The following MBTD1 variants were observed in gnomAD, a reference collection of about 807,000 sequenced individuals.
The protein encoded by MBTD1 is MBT domain-containing protein 1.
A neutral mutation model predicts 87.8 loss-of-function variants in MBTD1; 24 were observed. The ratio of observed to expected loss-of-function variants is 0.27; its 90% CI spans 0.20 to 0.38. MBTD1 has a LOEUF of 0.38. Ranked by LOEUF, MBTD1 falls within the 10% of genes least tolerant of loss-of-function variation. MBTD1 has a pLI of 1.00. For missense variants in MBTD1, 436 were observed against 760.2 expected, an observed-to-expected ratio of 0.57 and a Z score of 5.02; for synonymous variants, 237 against 248.6, an observed-to-expected ratio of 0.95 and a Z score of 0.44.
chr17:51,179,483 TTTATATATA>T lies in MBTD1; in HGVS notation c.*1084_*1092del, dbSNP rs1288599481. On this transcript the variant is annotated 3_prime_UTR_variant, in exon 17 of 17. Transcript: ENST00000586178. ...AATCCTGAATACAATTAAAGACAAT[TTTATATATA>T]TATATATATATATATATATATATAT... 650 of 37,036 alleles carry T rather than the reference TTTATATATA, an allele frequency of 0.018. 31 individuals are homozygous for T. Among genetic ancestry groups the T allele is most frequent in the Admixed American group, 0.023 (57 of 2,498 alleles). The allele number at this position is 37,036 out of a possible 1,614,324, so 2.3% of individuals were successfully genotyped here.
At chr17:51,232,164 T>G (rs2053585365) in intron 2 of MBTD1, among the ~76,000 whole-genome samples, 2 of 151,990 alleles carry the variant, frequency 1.3e-5, no homozygotes, top group Admixed American at 1.3e-4. Context: ...AAGTCTGAGG[T>G]TGAAATTTTC....
chr17:51,208,696 G>A (rs920536599), intron 6 of MBTD1, among the ~76,000 whole-genome samples: 17 of 152,298 alleles, frequency 1.1e-4, no homozygotes, highest in African/African-American at 3.6e-4. Context: ...AGAAAGAGGC[G>A]TGCTTATGCT....
intron 2 of MBTD1, among the ~76,000 whole-genome samples, chr17:51,225,518 A>T (rs1319859776): frequency 7.0e-6 from 1 of 143,876 alleles, no homozygotes; most frequent in Non-Finnish European, 1.5e-5. Flanking sequence ...TCCCATAAAC[A>T]TTTTTGTGTT....
chr17:51,192,294 AGGG>A lies in MBTD1; in HGVS notation c.1691-17_1691-15del. 1 of 1,532,184 alleles carries A rather than the reference AGGG, an allele frequency of 6.5e-7. No homozygotes were observed. The highest frequency in any genetic ancestry group is 8.8e-7 in the Non-Finnish European group (1 of 1,130,074). The allele number at this position is 1,532,184 out of a possible 1,614,324, so 94.9% of individuals were successfully genotyped here. On this transcript the variant is annotated splice_polypyrimidine_tract_variant and intron_variant, in intron 15 of 16. Coordinates refer to ENST00000586178, the MANE Select transcript of MBTD1 (RefSeq NM_017643.3). Reference sequence around the variant, plus strand: ...TTTCTCTTGATGCTGAAAAATAAAAAGGGAAAATTGGTACTAGATAATTGTTTA... The same window carrying A: ...TTTCTCTTGATGCTGAAAAATAAAAAAAAATTGGTACTAGATAATTGTTTA...
At chr17:51,258,533 T>G (rs2055228018) in intron 2 of MBTD1, among the ~76,000 whole-genome samples, 2 of 151,060 alleles carry the variant, frequency 1.3e-5, no homozygotes, top group African/African-American at 4.9e-5. Flanking sequence ...AGTAAAAGCA[T>G]TTGGAAGAGA....
At chr17:51,225,790 T>C (rs1003460924) in intron 2 of MBTD1, among the ~76,000 whole-genome samples, 7 of 150,828 alleles carry the variant, frequency 4.6e-5, no homozygotes, top group Non-Finnish European at 7.4e-5. Context: ...TAGCACTTTT[T>C]TTTTTTGAGA....
upstream of MBTD1, chr17:51,260,668 C>G: frequency 6.2e-7 from 1 of 1,611,868 alleles, no homozygotes; most frequent in Non-Finnish European, 8.5e-7. Flanking sequence ...TGAGGCCGGA[C>G]TGGAAAGCCG....
intron 13 of MBTD1, among the ~76,000 whole-genome samples, chr17:51,194,976 A>G (rs1036543053): frequency 2.0e-5 from 3 of 152,184 alleles, no homozygotes; most frequent in Admixed American, 2.0e-4. Flanking sequence ...ATACCAATTC[A>G]TATTATAAAA....
intron 2 of MBTD1, among the ~76,000 whole-genome samples, chr17:51,226,757 G>A (rs2053242123): frequency 1.3e-5 from 2 of 151,186 alleles, no homozygotes; most frequent in African/African-American, 4.8e-5. Flanking sequence ...TCAGTCTCTC[G>A]AGTAGCTGGG....
intron 2 of MBTD1, 54 bp downstream of exon 2, chr17:51,259,089 C>T: frequency 2.5e-6 from 1 of 407,016 alleles, no homozygotes. Flanking sequence ...CTTTCCTGGG[C>T]AGTAGTGAGC....
At chr17:51,190,057 AGTACTACTATAGTG>A (rs2050724697) in intron 16 of MBTD1, among the ~76,000 whole-genome samples, 1 of 152,218 alleles carries the variant, frequency 6.6e-6, no homozygotes. Flanking sequence ...TATTTTTCAA[AGTACTACTATAGTG>A]GACAGTAGAA....
intron 1 of MBTD1, 93 bp downstream of exon 1, chr17:51,259,742 C>T: frequency 8.7e-7 from 1 of 1,147,686 alleles, no homozygotes; most frequent in Non-Finnish European, 1.1e-6. Context: ...GGCCAGGGAG[C>T]GGGGTCAGGG....
intron 2 of MBTD1, among the ~76,000 whole-genome samples, chr17:51,230,796 A>G (rs1568212483): frequency 1.3e-5 from 2 of 152,068 alleles, no homozygotes; most frequent in Admixed American, 6.6e-5. Context: ...TAAGAAACTG[A>G]TTTTTTTCCT....
intron 2 of MBTD1, among the ~76,000 whole-genome samples, chr17:51,230,735 A>AGAT (rs10642031): frequency 0.51 from 77,755 of 151,608 alleles, 20,218 homozygotes; most frequent in South Asian, 0.66. Context: ...AAGGTATGGG[A>AGAT]GAGGTCAGAG....
In MBTD1 at chr17:51,218,975, C is replaced by G; in HGVS notation, c.358G>C (p.Ala120Pro). The G allele has an allele frequency of 6.4e-7, 1 of 1,551,410 alleles. No individual in the cohort carries two copies. Among genetic ancestry groups the G allele is most frequent in the Non-Finnish European group, 8.7e-7 (1 of 1,146,796 alleles). The change falls in exon 5 of 17, where the codon GCT becomes CCT. Residue 120 changes from alanine (A) to proline (P), a missense_variant. Coordinates refer to ENST00000586178, the MANE Select transcript of MBTD1 (RefSeq NM_017643.3). ...QPLVAKLAAY[A>P]QYQATLQNQA... ...TTTTGCAAGGTAGCTTGATACTGAG[C>G]ATATGCGGCTAGCTTAGCAACTAAA...
intron 6 of MBTD1, among the ~76,000 whole-genome samples, chr17:51,214,372 T>C (rs2052447708): frequency 6.6e-6 from 1 of 152,214 alleles, no homozygotes; most frequent in African/African-American, 2.4e-5. Flanking sequence ...TAAGCCACTA[T>C]AAATAGTTAC....
intron 6 of MBTD1, among the ~76,000 whole-genome samples, chr17:51,211,149 G>GA (rs113570976): frequency 0.52 from 65,982 of 127,472 alleles, 15,934 homozygotes; most frequent in South Asian, 0.66. Context: ...AAAAAAAAAA[G>GA]AAAAAAAAAA....
chr17:51,205,308 A>T (rs1438269547), intron 7 of MBTD1, among the ~76,000 whole-genome samples: 1 of 152,228 alleles, frequency 6.6e-6, no homozygotes, highest in Non-Finnish European at 1.5e-5. Flanking sequence ...CAATGGCATT[A>T]AAGTGGCTTA....
chr17:51,220,710 A>G (rs1465279483), intron 3 of MBTD1, among the ~76,000 whole-genome samples: 2 of 152,184 alleles, frequency 1.3e-5, no homozygotes. Flanking sequence ...AAGGTTTACA[A>G]AGGGTCAACA....
Sources: allele counts gnomAD v4.1 joint callset (sites outside exome capture counted in the v4.1 genomes callset), GRCh38; gene constraint gnomAD v4.1.1; transcripts MANE v1.5; gene names NCBI Gene and HGNC (gene_info 2026-07-23, HGNC 2026-07-21).